The following MYT1 variants were observed in gnomAD, a reference collection of about 807,000 sequenced individuals.
MYT1 encodes the protein myelin transcription factor 1, also known as myelin transcription factor I.
Under a neutral mutation model 123.0 loss-of-function variants are expected in MYT1, and 23 were observed. The observed-to-expected ratio is 0.19, with a 90% CI of 0.13 to 0.26. The LOEUF (loss-of-function observed/expected upper bound fraction) is 0.26. Ranked by LOEUF, MYT1 falls within the 10% of genes least tolerant of loss-of-function variation. MYT1 has a pLI of 1.00. For synonymous variants in MYT1, 518 were observed against 575.3 expected (o/e 0.90, Z 1.43); for missense variants, 1,125 against 1,472.5 (o/e 0.76, Z 3.86).
intron 4 of MYT1, among the ~76,000 whole-genome samples, chr20:64,201,937 GTCGGGAACCTC>G (rs1398803826): frequency 5.0e-5 from 7 of 139,704 alleles, no homozygotes; most frequent in African/African-American, 1.8e-4. Flanking sequence ...ACCCCCGCGT[GTCGGGAACCTC>G]TGCGTGTCGG....
rs980382231 is a variant in MYT1, at chr20:64,190,651, C to G, written c.-1+491C>G. 2.7e-5 allele frequency among the ~76,000 whole-genome samples: 4 copies of G among 150,574 alleles called. No individual in the cohort carries two copies. Among genetic ancestry groups the G allele is most frequent in the African/African-American group, 9.9e-5 (4 of 40,588 alleles). On this transcript the variant is annotated intron_variant, in intron 2 of 22. Coordinates refer to ENST00000328439, the MANE Select transcript of MYT1 (RefSeq NM_004535.3). This position sits in a 1 kb window ranked among gnomAD's most constrained non-coding sequence, Gnocchi z 4.1. Reference sequence around the variant, plus strand: ...TGAGCTGAGATTGTGCCACTGCACTCCAGCCTGGGTGCAGATCTTATCTCA... The same window carrying G: ...TGAGCTGAGATTGTGCCACTGCACTGCAGCCTGGGTGCAGATCTTATCTCA...
intron 1 of MYT1, among the ~76,000 whole-genome samples, chr20:64,187,229 C>G (rs1464757009): frequency 7.0e-6 from 1 of 143,756 alleles, no homozygotes; most frequent in Non-Finnish European, 1.5e-5. Context: ...GCCCCGGCAT[C>G]CACGTTTCCA....
At chr20:64,171,772 C>T (rs1043445589) in intron 1 of MYT1, among the ~76,000 whole-genome samples, 1 of 150,164 alleles carries the variant, frequency 6.7e-6, no homozygotes, top group Non-Finnish European at 1.5e-5. Flanking sequence ...AACCCTAACC[C>T]CTAACCTCTG....
Position 64,218,742 on chromosome 20 carries a change from T to C in MYT1, c.1847-169T>C. On this transcript the variant is annotated intron_variant, in intron 11 of 22. Coordinates refer to ENST00000328439, the MANE Select transcript of MYT1 (RefSeq NM_004535.3). The surrounding 1 kb of genome is among the most constrained non-coding windows in gnomAD (Gnocchi z 4.0). ...GCTGTGCCCTGGGCCCTCCCATCCCTCCCAAAGTGCCCCCTCCCCACTGAC... is the reference window on the plus strand; with the variant it reads ...GCTGTGCCCTGGGCCCTCCCATCCCCCCCAAAGTGCCCCCTCCCCACTGAC... 1.8e-6 allele frequency: 1 copy of C among 547,022 alleles called. No individual in the cohort carries two copies. The allele number at this position is 547,022 out of a possible 1,614,324, so 33.9% of individuals were successfully genotyped here.
chr20:64,228,848 T>C (rs1193628648), intron 18 of MYT1, among the ~76,000 whole-genome samples: 1 of 152,208 alleles, frequency 6.6e-6, no homozygotes, highest in Non-Finnish European at 1.5e-5. Context: ...ATGATGGCTC[T>C]GGACACCTTG....
chr20:64,194,744 C>A (rs1983057562), intron 2 of MYT1, among the ~76,000 whole-genome samples: 1 of 152,180 alleles, frequency 6.6e-6, no homozygotes, highest in Non-Finnish European at 1.5e-5. Context: ...TGGGGAGACG[C>A]AGCCTCTGGG....
At chr20:64,187,527 G>A (rs1427309905) in intron 1 of MYT1, among the ~76,000 whole-genome samples, 1 of 152,234 alleles carries the variant, frequency 6.6e-6, no homozygotes, top group Non-Finnish European at 1.5e-5. Context: ...TTTTCCTGTG[G>A]CACGTGGCCC....
chr20:64,236,505 C>A, intron 19 of MYT1, 50 bp from the exon 20 acceptor site: 1 of 1,481,438 alleles, frequency 6.8e-7, no homozygotes, highest in African/African-American at 1.4e-5. Flanking sequence ...CTGGGATGGT[C>A]GTGGTGGGTG....
chr20:64,228,483 G>A (rs1054675320), intron 18 of MYT1, among the ~76,000 whole-genome samples: 1 of 152,230 alleles, frequency 6.6e-6, no homozygotes, highest in Non-Finnish European at 1.5e-5. Flanking sequence ...ACACTGTTGG[G>A]TGAAGGAAAG....
intron 3 of MYT1, among the ~76,000 whole-genome samples, chr20:64,199,533 A>C (rs1983227811): frequency 6.6e-6 from 1 of 152,186 alleles, no homozygotes; most frequent in African/African-American, 2.4e-5. Context: ...GTTTCCTGCC[A>C]AAAGCTGACT....
intron 7 of MYT1, among the ~76,000 whole-genome samples, chr20:64,210,517 C>T (rs190391941): frequency 9.5e-4 from 145 of 152,356 alleles, no homozygotes; most frequent in African/African-American, 3.3e-3. Flanking sequence ...AGAGCTCCTT[C>T]CCTTTGGAGC....
At chr20:64,227,258 G>A (rs576345683) in intron 16 of MYT1, among the ~76,000 whole-genome samples, 157 bp from the exon 17 acceptor site, 8 of 152,358 alleles carry the variant, frequency 5.3e-5, no homozygotes, top group Admixed American at 4.6e-4. Flanking sequence ...GTCGGCAGCC[G>A]GGGTGAACAT....
At chr20:64,165,980 A>G (rs436670) in intron 1 of MYT1, among the ~76,000 whole-genome samples, 141,370 of 152,218 alleles carry the variant, frequency 0.93, 65,706 homozygotes, top group East Asian at 1. Context: ...CTGAGGTGCC[A>G]GCAGAGCCTG....
chr20:64,238,693 A>C (rs1226183386), intron 21 of MYT1, among the ~76,000 whole-genome samples: 4 of 145,722 alleles, frequency 2.7e-5, no homozygotes, highest in Non-Finnish European at 4.5e-5. Context: ...GTGGGTGTCC[A>C]TTTTGTGCTC....
intron 7 of MYT1, among the ~76,000 whole-genome samples, chr20:64,210,383 C>T (rs1018709623): frequency 2.0e-5 from 3 of 152,168 alleles, no homozygotes; most frequent in Admixed American, 6.5e-5. Context: ...GGACAGAGGC[C>T]GTGGGACAGG....
At position 64,207,488 on chromosome 20, in the gene MYT1, A is replaced by G. The variant is rs1983514593; in HGVS notation, c.398-106A>G. 4.6e-6 allele frequency: 7 copies of G among 1,521,434 alleles called. No homozygotes were observed. In the South Asian group the frequency reaches 5.3e-5, roughly 12 times the overall value. The allele number at this position is 1,521,434 out of a possible 1,614,324, so 94.2% of individuals were successfully genotyped here. On this transcript the variant is annotated intron_variant, in intron 6 of 22. Coordinates refer to ENST00000328439, the MANE Select transcript of MYT1 (RefSeq NM_004535.3). Reference sequence around the variant, plus strand: ...GTTTCCCCTTGGCTCCCGTATAAAGAGTGAGTGGTAGGTCAGGTGGAGGGG... The same window carrying G: ...GTTTCCCCTTGGCTCCCGTATAAAGGGTGAGTGGTAGGTCAGGTGGAGGGG...
Position 64,227,937 on chromosome 20 carries a change from A to G in MYT1, c.2641A>G (p.Thr881Ala). ...GAAAAGTGGAGTCAAGGTGGCACCC[A>G]CCAAGGACGACAAGGAGGACCCCGA... ...AKKSGVKVAPTKDDKEDPELM... is the reference protein window; with the variant it reads ...AKKSGVKVAPAKDDKEDPELM... The change falls in exon 18 of 23, where the codon ACC becomes GCC. Residue 881 changes from threonine to alanine, a missense_variant. Around this residue, in one of 4 missense-constraint regions of MYT1, gnomAD observed 243 missense variants for 323.1 expected, o/e 0.75. Transcript: ENST00000328439. 6.2e-7 allele frequency: 1 copy of G among 1,614,098 alleles called. No homozygotes were observed. Among genetic ancestry groups the G allele is most frequent in the Non-Finnish European group, 8.5e-7 (1 of 1,179,990 alleles).
chr20:64,234,069 C>T (rs1264163849), intron 19 of MYT1, among the ~76,000 whole-genome samples: 1 of 152,194 alleles, frequency 6.6e-6, no homozygotes, highest in South Asian at 2.1e-4. Context: ...CTACTGCAGC[C>T]GGGGTCAGTT....
In MYT1 at chr20:64,238,520, A is replaced by G. The variant is rs189324263; in HGVS notation, c.3093+1130A>G. 8.8e-4 allele frequency among the ~76,000 whole-genome samples: 133 copies of G among 151,576 alleles called. 1 individual carries two copies. In the East Asian group the frequency reaches 0.017, roughly 19 times the overall value. On this transcript the variant is annotated intron_variant, in intron 21 of 22. Transcript: ENST00000328439. ...ACTCAAGAGCCTGTATAAAAATAGC[A>G]TCACCCCACAGGGATCAGGAAGGAT... is the stretch of plus-strand genomic sequence containing the variant.
Sources: allele counts gnomAD v4.1 joint callset (sites outside exome capture counted in the v4.1 genomes callset), GRCh38; gene constraint gnomAD v4.1.1; regional missense constraint gnomAD v4.1.1; non-coding constraint Gnocchi (gnomAD v3.1); transcripts MANE v1.5; gene names NCBI Gene and HGNC (gene_info 2026-07-23, HGNC 2026-07-21).